Variants in AIFM2 observed in about 807,000 individuals in gnomAD.
AIFM2 encodes the protein AIF family member 2, ferroptosis suppressor.
AIFM2 carries 38 observed loss-of-function variants against 35.7 expected under a neutral mutation model. The ratio of observed to expected loss-of-function variants is 1.06; its 90% CI spans 0.82 to 1.39. The LOEUF (loss-of-function observed/expected upper bound fraction) is 1.39. Among genes scored for constraint, AIFM2 ranks in the 40% most tolerant of loss-of-function variants. The probability of loss-of-function intolerance (pLI) is 0.00; values close to 1 mark genes in which losing one functional copy is unlikely to be tolerated. For synonymous variants in AIFM2, 185 were observed against 203.5 expected, an observed-to-expected ratio of 0.91 and a Z score of 0.77; for missense variants, 476 against 491.2, an observed-to-expected ratio of 0.97 and a Z score of 0.29.
chr10:70,123,259 T>A (rs1037046359), intron 3 of AIFM2, 146 bp downstream of exon 3: 3 of 607,622 alleles, frequency 4.9e-6, no homozygotes, highest in Non-Finnish European at 5.6e-6. Context: ...CCTCAGGTGA[T>A]CCGCCCGCCT....
intron 1 of AIFM2, among the ~76,000 whole-genome samples, chr10:70,125,729 C>T (rs921042482): frequency 5.3e-5 from 8 of 152,098 alleles, no homozygotes; most frequent in Non-Finnish European, 1.0e-4. Flanking sequence ...CCTCAACCTC[C>T]CAAAGTGCTG....
rs200073165 is a variant in AIFM2, at chr10:70,114,908, G to C, written c.970+12C>G. The C allele has an allele frequency of 1.9e-6, 3 of 1,613,380 alleles. No homozygotes were observed. The South Asian group carries it at 3.3e-5, about 18-fold the overall frequency. On this transcript the variant is annotated intron_variant, in intron 8 of 8. Coordinates refer to ENST00000307864, the MANE Select transcript of AIFM2 (RefSeq NM_032797.6). ...TCTATTAAAACTGCAAAGCACATGG[G>C]GCCTCTCTTACCCGGCTTGTAGGCC...
chr10:70,125,325 G>T (rs1221829946), intron 1 of AIFM2, among the ~76,000 whole-genome samples: 2 of 151,712 alleles, frequency 1.3e-5, no homozygotes, highest in African/African-American at 2.4e-5. Flanking sequence ...ATGGGGCTGG[G>T]TGTAGCAGCT....
chr10:70,116,797 G>A, intron 6 of AIFM2, 23 bp from the exon 7 acceptor site: 2 of 1,612,298 alleles, frequency 1.2e-6, no homozygotes, highest in Non-Finnish European at 1.7e-6. Context: ...TCATGACCAG[G>A]AGGCTGGTGG....
rs1487677728 is a variant in AIFM2 at position 70,115,642 on chromosome 10, C to T, written c.770-522G>A. ...TTAGCCGGGCTTAGTGGCATACAGC[C>T]GTAATCCCAGCTATTCGGGAGGCTG... is the stretch of plus-strand genomic sequence containing the variant. On this transcript the variant is annotated intron_variant, in intron 7 of 8. Coordinates refer to ENST00000307864, the MANE Select transcript of AIFM2 (RefSeq NM_032797.6). 2.6e-5 allele frequency among the ~76,000 whole-genome samples: 4 copies of T among 151,996 alleles called. No homozygotes were observed. The East Asian group carries it at 7.7e-4, about 29-fold the overall frequency.
intron 8 of AIFM2, 89 bp downstream of exon 8, chr10:70,114,829 TAG>T: frequency 7.1e-7 from 1 of 1,416,268 alleles, no homozygotes; most frequent in Middle Eastern, 1.8e-4. Context: ...GAGTTTGTTC[TAG>T]TGGCCAGGTA....
At position 70,114,084 on chromosome 10, in the gene AIFM2, A is replaced by T; in HGVS notation, c.*94T>A. The T allele has an allele frequency of 6.9e-7, 1 of 1,443,706 alleles. No individual in the cohort carries two copies. 89.4% of individuals were successfully genotyped at this position (1,443,706 alleles called of 1,614,324 possible). On this transcript the variant is annotated 3_prime_UTR_variant, in exon 9 of 9. Transcript: ENST00000307864. Reference sequence around the variant, plus strand: ...ATCATTGGCATCTTATTCCAGAAGAATAGCATTAGTTCTAGCACTTGCCAG... The same window carrying T: ...ATCATTGGCATCTTATTCCAGAAGATTAGCATTAGTTCTAGCACTTGCCAG...
At position 70,116,647 on chromosome 10, in the gene AIFM2, G is replaced by A; in HGVS notation, c.744C>T (p.Asn248=). Reference sequence around the variant, plus strand: ...CAAACGCTTTGCGGTAGGCGGAGCTGTTGATCTTGATGCCGGTGCAGAGAA... The same window carrying A: ...CAAACGCTTTGCGGTAGGCGGAGCTATTGATCTTGATGCCGGTGCAGAGAA... ...LVILCTGIKI[N]SSAYRKAFES... Residue 248 remains asparagine, a synonymous_variant, in exon 7 of 9, where the codon AAC becomes AAT. Transcript: ENST00000307864. The A allele has an allele frequency of 1.9e-6, 3 of 1,614,082 alleles. No individual in the cohort carries two copies. Among genetic ancestry groups the A allele is most frequent in the South Asian group, 1.1e-5 (1 of 91,078 alleles).
Position 70,121,985 on chromosome 10 carries a change from A to C in AIFM2, c.295-774T>G, listed in dbSNP as rs796547581. Reference sequence around the variant, plus strand: ...CATGCGCCTGTAATCCCAACTACTCAGGAGGCTGGGGCAGGAGGATCGCTT... The same window carrying C: ...CATGCGCCTGTAATCCCAACTACTCCGGAGGCTGGGGCAGGAGGATCGCTT... On this transcript the variant is annotated intron_variant, in intron 3 of 8. Transcript: ENST00000307864. Among the ~76,000 whole-genome samples the C allele has an allele frequency of 3.3e-5, 5 of 152,054 alleles. 1 individual carries two copies. The highest frequency in any genetic ancestry group is 1.2e-4 in the African/African-American group (5 of 41,532).
Position 70,114,101 on chromosome 10 carries a change from A to G in AIFM2, c.*77T>C, listed in dbSNP as rs2072405249. 6.6e-7 allele frequency: 1 copy of G among 1,514,466 alleles called. No homozygotes were observed. The highest frequency in any genetic ancestry group is 1.3e-5 in the South Asian group (1 of 77,336). The allele number at this position is 1,514,466 out of a possible 1,614,324, so 93.8% of individuals were successfully genotyped here. ...CCAGAAGAATAGCATTAGTTCTAGC[A>G]CTTGCCAGGCGGGTGCCATGCGCCA... On this transcript the variant is annotated 3_prime_UTR_variant, in exon 9 of 9. Coordinates refer to ENST00000307864, the MANE Select transcript of AIFM2 (RefSeq NM_032797.6).
Position 70,113,622 on chromosome 10 carries a change from C to G in AIFM2, c.*556G>C, listed in dbSNP as rs1477847819. 4 of 152,410 alleles carry G rather than the reference C, an allele frequency of 2.6e-5. No homozygotes were observed. The highest frequency in any genetic ancestry group is 7.2e-5 in the African/African-American group (3 of 41,470). The allele number at this position is 152,410 out of a possible 1,614,324, so 9.4% of individuals were successfully genotyped here. On this transcript the variant is annotated 3_prime_UTR_variant, in exon 9 of 9. Coordinates refer to ENST00000307864, the MANE Select transcript of AIFM2 (RefSeq NM_032797.6). ...TATGCACCTGTTAGCAAATTGAAAA[C>G]AAGGCTCCTGTGAAGTCCCTGGTTG...
At chr10:70,130,597 C>A (rs939451648) in intron 1 of AIFM2, among the ~76,000 whole-genome samples, 1 of 152,112 alleles carries the variant, frequency 6.6e-6, no homozygotes, top group Admixed American at 6.5e-5. Context: ...TTGTTTCCAC[C>A]TTTTGACTAT....
intron 1 of AIFM2, among the ~76,000 whole-genome samples, chr10:70,125,817 T>C (rs1195070378): frequency 6.6e-6 from 1 of 152,162 alleles, no homozygotes; most frequent in Non-Finnish European, 1.5e-5. Context: ...CTTCTGTACC[T>C]CTTTTGGGGG....
Position 70,131,927 on chromosome 10 carries a change from C to G in AIFM2, c.-14+807G>C, listed in dbSNP as rs904861122. ...GAACACAGGTGCACAGTCCAGAAACCTGCAAGTCCCATCCCAAACTATATC... is the reference window on the plus strand; with the variant it reads ...GAACACAGGTGCACAGTCCAGAAACGTGCAAGTCCCATCCCAAACTATATC... On this transcript the variant is annotated intron_variant, in intron 1 of 8. Coordinates refer to ENST00000307864, the MANE Select transcript of AIFM2 (RefSeq NM_032797.6). This position sits in a 1 kb window ranked among gnomAD's most constrained non-coding sequence, Gnocchi z 4.1. 5.9e-5 allele frequency among the ~76,000 whole-genome samples: 9 copies of G among 152,318 alleles called. No individual in the cohort carries two copies. Among genetic ancestry groups the G allele is most frequent in the African/African-American group, 1.7e-4 (7 of 41,570 alleles).
At chr10:70,122,891 T>TG (rs2072524527) in intron 3 of AIFM2, among the ~76,000 whole-genome samples, 1 of 152,222 alleles carries the variant, frequency 6.6e-6, no homozygotes, top group Admixed American at 6.5e-5. Flanking sequence ...AAACAGGGCC[T>TG]GGCATGCAGG....
rs1324588631 is a variant in AIFM2 at position 70,120,611 on chromosome 10, G to A, written c.415-12C>T. On this transcript the variant is annotated splice_polypyrimidine_tract_variant and intron_variant, in intron 4 of 8. Coordinates refer to ENST00000307864, the MANE Select transcript of AIFM2 (RefSeq NM_032797.6). ...CGTGAGCGCTGGACCTGGAGAAGAG[G>A]ACATGTGAAACAGGGACATATGAAA... 3 of 1,613,746 alleles carry A rather than the reference G, an allele frequency of 1.9e-6. No homozygotes were observed. In the African/African-American group the frequency reaches 4.0e-5, roughly 22 times the overall value.
chr10:70,116,829 T>C, intron 6 of AIFM2, 55 bp from the exon 7 acceptor site: 1 of 1,601,814 alleles, frequency 6.2e-7, no homozygotes, highest in Non-Finnish European at 8.5e-7. Flanking sequence ...CCATCAAGCC[T>C]GGACCCCAGG....
Position 70,121,098 on chromosome 10 carries a change from C to T in AIFM2, c.408G>A (p.Val136=). Reference sequence around the variant, plus strand: ...CCTTCAGTGCACAGCTCACCTGCCTCACCATGTCCTCATAGGCCTGGATAG... The same window carrying T: ...CCTTCAGTGCACAGCTCACCTGCCTTACCATGTCCTCATAGGCCTGGATAG... The part of the protein sequence containing the change: ...QAAIQAYEDM[V]RQVQRSRFIV... Residue 136 remains valine, a synonymous_variant, in exon 4 of 9, where the codon GTG becomes GTA. Transcript: ENST00000307864. 6.2e-7 allele frequency: 1 copy of T among 1,611,754 alleles called. No individual in the cohort carries two copies. The highest frequency in any genetic ancestry group is 8.5e-7 in the Non-Finnish European group (1 of 1,179,660).
chr10:70,123,469 A>C lies in AIFM2; in HGVS notation c.230T>G (p.Phe77Cys). Residue 77 changes from phenylalanine (F) to cysteine (C), a missense_variant, in exon 3 of 9, where the codon TTC becomes TGC. Phe to Cys is a radical substitution (Grantham distance 205, BLOSUM62 -2). Coordinates refer to ENST00000307864, the MANE Select transcript of AIFM2 (RefSeq NM_032797.6). ...ISYSVTFKDN[F>C]RQGLVVGIDL... Reference sequence around the variant, plus strand: ...TATCCCCACTACTAGCCCCTGCCGGAAGTTGTCCTTGAAAGTCACCGAGTA... The same window carrying C: ...TATCCCCACTACTAGCCCCTGCCGGCAGTTGTCCTTGAAAGTCACCGAGTA... 1 of 1,614,142 alleles carries C rather than the reference A, an allele frequency of 6.2e-7. No individual in the cohort carries two copies.
Sources: gnomAD v4.1 joint callset for allele counts (sites outside exome capture counted in the v4.1 genomes callset) on GRCh38, gnomAD v4.1.1 for gene constraint, Gnocchi (gnomAD v3.1) non-coding constraint, MANE v1.5 for transcripts, NCBI Gene and HGNC (gene_info 2026-07-23, HGNC 2026-07-21) for gene names.